Variants in ADGRV1 observed in about 807,000 individuals in gnomAD.
The protein encoded by ADGRV1 is G-protein coupled receptor 98.
ADGRV1 carries 359 observed loss-of-function variants against 596.2 expected under a neutral mutation model. The observed-to-expected ratio is 0.60, with a 90% CI of 0.55 to 0.66. ADGRV1 has a LOEUF of 0.66. Among genes scored for constraint, ADGRV1 ranks in the 30% least tolerant of loss-of-function variants. The probability of loss-of-function intolerance (pLI) is 0.00; values close to 1 mark genes in which losing one functional copy is unlikely to be tolerated. For missense variants in ADGRV1, 7,274 were observed against 7,575.6 expected, an observed-to-expected ratio of 0.96 and a Z score of 1.48; for synonymous variants, 2,681 against 2,679.2, an observed-to-expected ratio of 1.00 and a Z score of -0.02.
chr5:90,613,755 C>T (rs915584958), intron 1 of ADGRV1, among the ~76,000 whole-genome samples: 4 of 152,094 alleles, frequency 2.6e-5, no homozygotes, highest in African/African-American at 9.7e-5. Context: ...TAACGGAGAA[C>T]ATTGCACTTA....
Position 90,724,988 on chromosome 5 carries a change from A to G in ADGRV1, c.9905A>G (p.Glu3302Gly). ...YRWQGIFIPV[E>G]DLNIENPKTC... ...TGGCAGGGGATTTTTATTCCAGTTG[A>G]GGTAAACATCAGTATTTTTTTATAG... The change falls in exon 46 of 90, where the codon GAG (glutamate) becomes GGG (glycine). Residue 3302 changes from glutamate to glycine, a missense_variant and splice_region_variant. Coordinates refer to ENST00000405460, the MANE Select transcript of ADGRV1 (RefSeq NM_032119.4). 1 of 1,593,720 alleles carries G rather than the reference A, an allele frequency of 6.3e-7. No individual in the cohort carries two copies. The highest frequency in any genetic ancestry group is 1.2e-5 in the South Asian group (1 of 86,060).
intron 83 of ADGRV1, among the ~76,000 whole-genome samples, chr5:90,893,804 A>C (rs1175891659): frequency 1.3e-5 from 2 of 152,214 alleles, no homozygotes; most frequent in Non-Finnish European, 2.9e-5. Flanking sequence ...TAGCTAATTC[A>C]ATATTTATTT....
chr5:90,629,578 C>T (rs778437095), intron 9 of ADGRV1, 39 bp downstream of exon 9: 18 of 1,392,422 alleles, frequency 1.3e-5, no homozygotes, highest in Non-Finnish European at 1.8e-5. Flanking sequence ...TTTGGTTAAC[C>T]TTCAAGTGTA....
intron 45 of ADGRV1, among the ~76,000 whole-genome samples, chr5:90,722,237 C>T (rs1202933160): frequency 6.6e-6 from 1 of 151,944 alleles, no homozygotes; most frequent in African/African-American, 2.4e-5. Context: ...AGGGAAGTAC[C>T]AAAGATGACT....
intron 50 of ADGRV1, among the ~76,000 whole-genome samples, chr5:90,732,255 C>CA (rs1208213569): frequency 1.3e-5 from 2 of 152,162 alleles, no homozygotes; most frequent in Admixed American, 6.5e-5. Context: ...CCTCCTGCCT[C>CA]AAAGTGCTGG....
At chr5:90,786,574 G>A (rs908309223) in intron 67 of ADGRV1, among the ~76,000 whole-genome samples, 1 of 152,078 alleles carries the variant, frequency 6.6e-6, no homozygotes, top group Admixed American at 6.6e-5. Flanking sequence ...CTAGGAGGCT[G>A]TTTATTTCCC....
chr5:90,584,962 G>C (rs1451625181), intron 1 of ADGRV1, among the ~76,000 whole-genome samples: 1 of 152,104 alleles, frequency 6.6e-6, no homozygotes, highest in Admixed American at 6.5e-5. Flanking sequence ...TAACAAGCAA[G>C]GTAGCTATTA....
intron 1 of ADGRV1, among the ~76,000 whole-genome samples, chr5:90,612,861 C>T (rs368697112): frequency 6.6e-6 from 1 of 152,060 alleles, no homozygotes. Context: ...ACTTCTAACA[C>T]GATTCCTCAC....
intron 85 of ADGRV1, among the ~76,000 whole-genome samples, chr5:91,008,718 C>T (rs1253698596): frequency 1.3e-5 from 2 of 151,856 alleles, no homozygotes; most frequent in Non-Finnish European, 2.9e-5. Context: ...TGAGGCGGGT[C>T]ACAAACTCCT....
At chr5:91,043,696 C>T (rs1246815490) in intron 85 of ADGRV1, among the ~76,000 whole-genome samples, 8 of 151,884 alleles carry the variant, frequency 5.3e-5, no homozygotes, top group African/African-American at 1.7e-4. Context: ...GTGCTTAGCA[C>T]TTAGTGGGCA....
At position 90,629,400 on chromosome 5, in the gene ADGRV1, C is replaced by G. The variant is rs771832375; in HGVS notation, c.1700C>G (p.Pro567Arg). ...TACATTCCTGCTGGAGCTGTGGACC[C>G]CTTGCAAGCAAAAGAAGGCATCTTA... ...VLYIPAGAVDPLQAKEGILNI... is the reference protein window; with the variant it reads ...VLYIPAGAVDRLQAKEGILNI... Residue 567 changes from proline to arginine, a missense_variant, in exon 9 of 90, where the codon CCC becomes CGC. Coordinates refer to ENST00000405460, the MANE Select transcript of ADGRV1 (RefSeq NM_032119.4). The G allele has an allele frequency of 1.9e-6, 3 of 1,613,396 alleles. No individual in the cohort carries two copies. The highest frequency in any genetic ancestry group is 2.5e-6 in the Non-Finnish European group (3 of 1,179,808).
intron 83 of ADGRV1, among the ~76,000 whole-genome samples, chr5:90,872,838 G>A (rs1028403818): frequency 5.3e-5 from 8 of 152,068 alleles, no homozygotes; most frequent in Admixed American, 4.6e-4. Context: ...GAGCCTAATA[G>A]CATGGTCTTC....
rs144892717 is a variant in ADGRV1, at chr5:90,796,793, C to A, written c.14517+5447C>A. Reference sequence around the variant, plus strand: ...GATCTCTCAGCACAAACCCTACAAGCCAGAAGAGAGTGGGGGCCAATATTC... The same window carrying A: ...GATCTCTCAGCACAAACCCTACAAGACAGAAGAGAGTGGGGGCCAATATTC... On this transcript the variant is annotated intron_variant, in intron 70 of 89. Coordinates refer to ENST00000405460, the MANE Select transcript of ADGRV1 (RefSeq NM_032119.4). 3.5e-3 allele frequency among the ~76,000 whole-genome samples: 537 copies of A among 152,280 alleles called. 5 individuals carry two copies. Among genetic ancestry groups the A allele is most frequent in the African/African-American group, 0.012 (516 of 41,544 alleles).
chr5:91,095,840 T>C (rs1318886412), intron 86 of ADGRV1, among the ~76,000 whole-genome samples: 6 of 152,058 alleles, frequency 3.9e-5, no homozygotes, highest in Non-Finnish European at 8.8e-5. Flanking sequence ...TGGAATGCAA[T>C]GGTGCGATCT....
Position 90,653,963 on chromosome 5 carries a change from T to C in ADGRV1, c.4378+11T>C, listed in dbSNP as rs1225844494. 3 of 1,552,640 alleles carry C rather than the reference T, an allele frequency of 1.9e-6. No homozygotes were observed. The highest frequency in any genetic ancestry group is 1.4e-5 in the African/African-American group (1 of 73,166). ...AAGCCATTACTGACGGTGAGGGTCA[T>C]CATCACAACTAGGACACTGAAATTT... On this transcript the variant is annotated intron_variant, in intron 20 of 89. Coordinates refer to ENST00000405460, the MANE Select transcript of ADGRV1 (RefSeq NM_032119.4).
chr5:90,569,387 ATTTTTTTTTTTTTTTTT>A (rs869133714), intron 1 of ADGRV1, among the ~76,000 whole-genome samples: 2 of 16,374 alleles, frequency 1.2e-4, no homozygotes, highest in African/African-American at 5.2e-4. Flanking sequence ...ATATATATAT[ATTTTTTTTTTTTTTTTT>A]TTTTTTTTTT....
At chr5:90,956,069 C>A (rs1777450107) in intron 83 of ADGRV1, among the ~76,000 whole-genome samples, 1 of 152,116 alleles carries the variant, frequency 6.6e-6, no homozygotes, top group African/African-American at 2.4e-5. Context: ...CTCTTCAATT[C>A]CATCTAACAA....
At position 91,059,230 on chromosome 5, in the gene ADGRV1, G is replaced by T. The variant is rs528032440; in HGVS notation, c.18153-13217G>T. The stretch of plus-strand genomic sequence containing the variant: ...GCACTCTTGTAAGGTAGATGCCATT[G>T]TTTTCCCTATTTTATTTTTTGGAAA... On this transcript the variant is annotated intron_variant, in intron 85 of 89. Coordinates refer to ENST00000405460, the MANE Select transcript of ADGRV1 (RefSeq NM_032119.4). Among the ~76,000 whole-genome samples the T allele has an allele frequency of 2.6e-5, 4 of 152,164 alleles. 1 individual carries two copies. The highest frequency in any genetic ancestry group is 9.6e-5 in the African/African-American group (4 of 41,524).
intron 3 of ADGRV1, among the ~76,000 whole-genome samples, chr5:90,618,714 A>G (rs1763675558): frequency 6.6e-6 from 1 of 152,136 alleles, no homozygotes; most frequent in South Asian, 2.1e-4. Context: ...AGTACCTTCA[A>G]TAGCATAGGA....
Sources: gnomAD v4.1 joint callset for allele counts (sites outside exome capture counted in the v4.1 genomes callset) on GRCh38, gnomAD v4.1.1 for gene constraint, MANE v1.5 for transcripts, NCBI Gene and HGNC (gene_info 2026-07-23, HGNC 2026-07-21) for gene names.